Variants in SDK1 observed in about 807,000 individuals in gnomAD.
SDK1 encodes sidekick cell adhesion molecule 1, also known as protein sidekick-1.
SDK1 carries 157 observed loss-of-function variants against 245.5 expected under a neutral mutation model. The observed-to-expected ratio is 0.64, with a 90% CI of 0.56 to 0.73. The LOEUF is 0.73. SDK1 is among the 30% of genes least tolerant of loss of function. SDK1 has a pLI of 0.00. For synonymous variants in SDK1, 1,647 were observed against 1,278.5 expected, an observed-to-expected ratio of 1.29 and a Z score of -6.15; for missense variants, 3,583 against 3,002.3, an observed-to-expected ratio of 1.19 and a Z score of -4.52.
chr7:4,247,806 G>C (rs948188147), intron 44 of SDK1, among the ~76,000 whole-genome samples: 2 of 152,140 alleles, frequency 1.3e-5, no homozygotes, highest in African/African-American at 2.4e-5. Context: ...CAGAGGCTGA[G>C]GTTGTCCAGC....
At chr7:3,680,775 C>T (rs1784075276) in intron 4 of SDK1, among the ~76,000 whole-genome samples, 1 of 152,180 alleles carries the variant, frequency 6.6e-6, no homozygotes, top group African/African-American at 2.4e-5. Flanking sequence ...ACTCCTCTTC[C>T]TCTTAAAGGC....
intron 23 of SDK1, among the ~76,000 whole-genome samples, chr7:4,112,421 T>G (rs1329047662): frequency 6.6e-6 from 1 of 152,222 alleles, no homozygotes; most frequent in African/African-American, 2.4e-5. Context: ...GCTTAGTGAT[T>G]TGGGGTTCAA....
In SDK1 at chr7:4,208,207, C is replaced by G; in HGVS notation, c.5323C>G (p.Leu1775Val). ...LKNLTSHTKYLVSISAFNAAG... is the reference protein window; with the variant it reads ...LKNLTSHTKYVVSISAFNAAG... ...GAACCTGACCAGCCATACCAAGTAC[C>G]TGGTCAGCATATCAGCCTTCAACGC... Residue 1775 changes from leucine to valine, a missense_variant, in exon 37 of 45, where the codon CTG becomes GTG. By Grantham distance (32) the Leu-to-Val change is conservative. Coordinates refer to ENST00000404826, the MANE Select transcript of SDK1 (RefSeq NM_152744.4). The G allele has an allele frequency of 6.2e-7, 1 of 1,614,142 alleles. No individual in the cohort carries two copies. Among genetic ancestry groups the G allele is most frequent in the Non-Finnish European group, 8.5e-7 (1 of 1,180,026 alleles).
intron 7 of SDK1, among the ~76,000 whole-genome samples, chr7:3,955,710 A>G (rs1781206560): frequency 6.6e-6 from 1 of 152,240 alleles, no homozygotes; most frequent in Admixed American, 6.5e-5. Context: ...TTTGCAACTC[A>G]GAAGCCAAAT....
At chr7:3,863,980 G>A (rs868227794) in intron 5 of SDK1, among the ~76,000 whole-genome samples, 4 of 152,154 alleles carry the variant, frequency 2.6e-5, no homozygotes, top group South Asian at 2.1e-4. Context: ...ATGGTAAGTC[G>A]ATGTTTAGCT....
In SDK1 at chr7:4,268,069, A is replaced by G. The variant is rs1788577455; in HGVS notation, c.*2685A>G. The G allele has an allele frequency of 2.0e-6, 2 of 985,320 alleles. No homozygotes were observed. The highest frequency in any genetic ancestry group is 6.1e-5 in the Admixed American group (1 of 16,276). The allele number at this position is 985,320 out of a possible 1,614,324, so 61.0% of individuals were successfully genotyped here. A position where few individuals can be genotyped will look rare whatever the true frequency, so the allele number is the denominator to read the frequency against. On this transcript the variant is annotated 3_prime_UTR_variant, in exon 45 of 45. Coordinates refer to ENST00000404826, the MANE Select transcript of SDK1 (RefSeq NM_152744.4). ...TCTCGGTTTTAAAAAGAGGACAAACAAAATGTCTCTAAGCCAGGCTAGATG... is the reference window on the plus strand; with the variant it reads ...TCTCGGTTTTAAAAAGAGGACAAACGAAATGTCTCTAAGCCAGGCTAGATG...
At position 4,245,880 on chromosome 7, in the gene SDK1, C is replaced by T. The variant is rs1786821981; in HGVS notation, c.6381+75C>T. On this transcript the variant is annotated intron_variant, in intron 44 of 44. Coordinates refer to ENST00000404826, the MANE Select transcript of SDK1 (RefSeq NM_152744.4). ...GCAGTGAGACTTCTGCCCCCTCAGG[C>T]TGTCTTGTCCTATTTGAGTCTCATA... The T allele has an allele frequency of 1.9e-6, 3 of 1,554,918 alleles. No individual in the cohort carries two copies. The African/African-American group carries it at 4.1e-5, about 21-fold the overall frequency.
intron 14 of SDK1, among the ~76,000 whole-genome samples, chr7:4,007,180 A>C (rs906650526): frequency 1.6e-4 from 24 of 152,206 alleles, no homozygotes; most frequent in African/African-American, 5.3e-4. Context: ...AATGAGAGCA[A>C]TCAAGGAGGA....
chr7:4,049,505 TCTGGAGCCACAGCGCGACGCAG>T (rs781196339), intron 18 of SDK1, 42 bp downstream of exon 18: 1 of 1,491,984 alleles, frequency 6.7e-7, no homozygotes, highest in Non-Finnish European at 9.4e-7. Context: ...GCTGTCATTG[TCTGGAGCCACAGCGCGACGCAG>T]CTGGAGGCAC....
intron 9 of SDK1, among the ~76,000 whole-genome samples, chr7:3,966,398 G>A (rs1167445299): frequency 6.6e-6 from 1 of 152,104 alleles, no homozygotes; most frequent in African/African-American, 2.4e-5. Flanking sequence ...GTTGTACGGG[G>A]GGTTCCGGTT....
chr7:3,354,328 C>T lies in SDK1; in HGVS notation c.298+52444C>T, dbSNP rs73292180. On this transcript the variant is annotated intron_variant, in intron 1 of 44. Transcript: ENST00000404826. ...CCAGCATTCAGATTATTAAGTCAAA[C>T]GGAAAAAAAAAACAGGGATATAAAC... Among the ~76,000 whole-genome samples, 1,324 of 149,224 alleles carry T rather than the reference C, an allele frequency of 8.9e-3. 20 individuals carry two copies. Among genetic ancestry groups the T allele is most frequent in the African/African-American group, 0.031 (1,261 of 40,608 alleles).
chr7:3,388,346 T>TAA (rs146427636), intron 1 of SDK1, among the ~76,000 whole-genome samples: 1 of 148,694 alleles, frequency 6.7e-6, no homozygotes, highest in African/African-American at 2.5e-5. Context: ...GATTGAAGAT[T>TAA]AAAAAAAAAA....
chr7:4,246,995 A>G (rs1786911495), intron 44 of SDK1, among the ~76,000 whole-genome samples: 1 of 152,162 alleles, frequency 6.6e-6, no homozygotes, highest in African/African-American at 2.4e-5. Context: ...CTTACCAGCA[A>G]AAGCAGCAGA....
In SDK1 at chr7:3,841,244, A is replaced by T. The variant is rs1780150077; in HGVS notation, c.847+19661A>T. ...GCTGTTAGTGTTGAGGGGGGCCGAG[A>T]CCCAGAGAGGGCTGTCAGGTGGATC... On this transcript the variant is annotated intron_variant, in intron 5 of 44. Transcript: ENST00000404826. Among the ~76,000 whole-genome samples, 3 of 152,152 alleles carry T rather than the reference A, an allele frequency of 2.0e-5. No homozygotes were observed. The South Asian group carries it at 6.2e-4, about 32-fold the overall frequency.
chr7:4,101,244 C>G (rs1397122981), intron 22 of SDK1, among the ~76,000 whole-genome samples: 1 of 151,722 alleles, frequency 6.6e-6, no homozygotes, highest in Non-Finnish European at 1.5e-5. Flanking sequence ...CGGGTTCACA[C>G]CATTCTCCTG....
In SDK1 at chr7:3,867,611, TACTC is replaced by T. The variant is rs1314035686; in HGVS notation, c.847+46032_847+46035del. 6.6e-5 allele frequency among the ~76,000 whole-genome samples: 10 copies of T among 152,228 alleles called. No individual in the cohort carries two copies. The South Asian group carries it at 1.7e-3, about 25-fold the overall frequency. ...TAAAACCATCAGATCTCGTGAGACTTACTCACTATCACAACAGCAGCATGAGAAA... is the reference window on the plus strand; with the variant it reads ...TAAAACCATCAGATCTCGTGAGACTTACTATCACAACAGCAGCATGAGAAA... On this transcript the variant is annotated intron_variant, in intron 5 of 44. Coordinates refer to ENST00000404826, the MANE Select transcript of SDK1 (RefSeq NM_152744.4).
At chr7:4,103,910 C>T (rs1184689363) in intron 22 of SDK1, among the ~76,000 whole-genome samples, 1 of 152,270 alleles carries the variant, frequency 6.6e-6, no homozygotes, top group African/African-American at 2.4e-5. Context: ...TCAGTTCCAG[C>T]TCCGCAGTTC....
chr7:3,982,927 C>G (rs748429756), intron 13 of SDK1, among the ~76,000 whole-genome samples: 61 of 152,192 alleles, frequency 4.0e-4, no homozygotes, highest in Middle Eastern at 3.4e-3. Context: ...GATTCCAGCC[C>G]TCATGGATGA....
chr7:3,493,000 G>T (rs867990012), intron 1 of SDK1, among the ~76,000 whole-genome samples: 3 of 152,016 alleles, frequency 2.0e-5, no homozygotes, highest in Non-Finnish European at 4.4e-5. Context: ...GCCCAGGCTG[G>T]AGTGCAGTGG....
Sources: gnomAD v4.1 joint callset for allele counts (sites outside exome capture counted in the v4.1 genomes callset) on GRCh38, gnomAD v4.1.1 for gene constraint, MANE v1.5 for transcripts, NCBI Gene and HGNC (gene_info 2026-07-23, HGNC 2026-07-21) for gene names.